The following C8orf89 variants were observed in gnomAD, a reference collection of about 807,000 sequenced individuals.
The protein encoded by C8orf89 is chromosome 8 open reading frame 89.
A neutral mutation model predicts 15.8 loss-of-function variants in C8orf89; 14 were observed. The ratio of observed to expected loss-of-function variants is 0.89; its 90% CI spans 0.59 to 1.39. The LOEUF (loss-of-function observed/expected upper bound fraction) is 1.39. C8orf89 is among the 40% of genes most tolerant of loss of function. The pLI is 0.00. For synonymous variants in C8orf89, 55 were observed against 62.2 expected (o/e 0.88, Z 0.54); for missense variants, 181 against 184.5 (o/e 0.98, Z 0.11).
chr8:73,278,456 G>A, the C8orf89 span, among the ~76,000 whole-genome samples: 2 of 152,260 alleles, frequency 1.3e-5, no homozygotes, highest in Non-Finnish European at 2.9e-5. Context: ...CTGACGCCCG[G>A]GCGCTGAGGG....
chr8:73,275,664 T>C, the C8orf89 span, among the ~76,000 whole-genome samples: 5 of 152,246 alleles, frequency 3.3e-5, no homozygotes, highest in Non-Finnish European at 7.3e-5. Flanking sequence ...TTCTATGCTT[T>C]CCCCATTTTT....
the C8orf89 span, among the ~76,000 whole-genome samples, chr8:73,269,705 T>A: frequency 6.6e-6 from 1 of 152,164 alleles, no homozygotes; most frequent in African/African-American, 2.4e-5. Context: ...GTCTGCCTCC[T>A]CCAATAATAC....
At chr8:73,264,193 T>C (rs1258115600), upstream of C8orf89, among the ~76,000 whole-genome samples, 1 of 152,146 alleles carries the variant, frequency 6.6e-6, no homozygotes, top group Non-Finnish European at 1.5e-5. Context: ...AAAAACATGG[T>C]ACTAAATAGT....
In C8orf89 at chr8:73,241,461, C is replaced by A. The variant is rs759629542; in HGVS notation, c.482G>T (p.Arg161Leu). The change falls in exon 4 of 4, where the codon CGC becomes CTC. Residue 161 changes from arginine to leucine, a missense_variant. Coordinates refer to ENST00000624510, the MANE Select transcript of C8orf89 (RefSeq NM_001243237.3). Reference sequence around the variant, plus strand: ...CATCACACTGTACGACATTTTTCAGCGGTCTCGGAGGTCTCGTTTCTTGCT... The same window carrying A: ...CATCACACTGTACGACATTTTTCAGAGGTCTCGGAGGTCTCGTTTCTTGCT... ...KKSKKRDLRD[R>L] 17 of 1,520,432 alleles carry A rather than the reference C, an allele frequency of 1.1e-5. No individual in the cohort carries two copies. In the South Asian group the frequency reaches 2.1e-4, roughly 19 times the overall value. 94.2% of individuals were successfully genotyped at this position (1,520,432 alleles called of 1,614,324 possible).
intron 2 of C8orf89, among the ~76,000 whole-genome samples, chr8:73,255,820 G>C (rs1813365101): frequency 6.6e-6 from 1 of 151,622 alleles, no homozygotes; most frequent in South Asian, 2.1e-4. Context: ...GGACATGGAT[G>C]AAATTGGAAA....
At chr8:73,271,576 A>T in the C8orf89 span, among the ~76,000 whole-genome samples, 1 of 152,192 alleles carries the variant, frequency 6.6e-6, no homozygotes, top group African/African-American at 2.4e-5. Flanking sequence ...TACTTCTTGT[A>T]CAGCTTGCAG....
chr8:73,265,059 T>G, the C8orf89 span, among the ~76,000 whole-genome samples: 2 of 151,930 alleles, frequency 1.3e-5, no homozygotes, highest in African/African-American at 4.8e-5. Context: ...AAAATACACA[T>G]CAGATTGCAA....
chr8:73,247,525 C>G (rs1341462247), intron 3 of C8orf89, among the ~76,000 whole-genome samples: 1 of 152,144 alleles, frequency 6.6e-6, no homozygotes, highest in Non-Finnish European at 1.5e-5. Context: ...CACACTGTTT[C>G]CTACAATGAT....
intron 2 of C8orf89, among the ~76,000 whole-genome samples, chr8:73,253,411 C>T (rs1360864967): frequency 6.6e-6 from 1 of 152,052 alleles, no homozygotes; most frequent in East Asian, 1.9e-4. Flanking sequence ...ATTGACTTGG[C>T]GATGCGGGCT....
rs542818878 is a variant in C8orf89, at chr8:73,241,428, G to A, written c.*29C>T. 14 of 1,414,170 alleles carry A rather than the reference G, an allele frequency of 9.9e-6. No homozygotes were observed. Among genetic ancestry groups the A allele is most frequent in the African/African-American group, 1.4e-5 (1 of 69,754 alleles). 87.6% of individuals were successfully genotyped at this position (1,414,170 alleles called of 1,614,324 possible). On this transcript the variant is annotated 3_prime_UTR_variant, in exon 4 of 4. Transcript: ENST00000624510. ...GAAAATATAAAGCTTAAAAGTCACTGAAGAAAGCATCACACTGTACGACAT... is the reference window on the plus strand; with the variant it reads ...GAAAATATAAAGCTTAAAAGTCACTAAAGAAAGCATCACACTGTACGACAT...
the C8orf89 span, among the ~76,000 whole-genome samples, chr8:73,268,427 C>T: frequency 6.6e-6 from 1 of 151,406 alleles, no homozygotes; most frequent in African/African-American, 2.4e-5. Context: ...TGCAGTGAGC[C>T]GAGATCGCGC....
At chr8:73,283,580 A>C in the C8orf89 span, among the ~76,000 whole-genome samples, 2 of 152,246 alleles carry the variant, frequency 1.3e-5, no homozygotes, top group African/African-American at 2.4e-5. Flanking sequence ...TCTTCTTTTA[A>C]AGAATAATAA....
intron 3 of C8orf89, among the ~76,000 whole-genome samples, chr8:73,244,425 T>C (rs990119623): frequency 1.3e-5 from 2 of 152,228 alleles, no homozygotes; most frequent in South Asian, 4.1e-4. Flanking sequence ...TTCCAATCAC[T>C]ACGTATTACC....
At chr8:73,277,851 C>T in the C8orf89 span, 1 of 703,786 alleles carries the variant, frequency 1.4e-6, no homozygotes, top group Non-Finnish European at 2.7e-6. Context: ...AGCTGCTTTG[C>T]TTTCAAAGTC....
At chr8:73,257,260 TC>T in intron 1 of C8orf89, 134 bp from the exon 2 acceptor site, 1 of 592,746 alleles carries the variant, frequency 1.7e-6, no homozygotes. Flanking sequence ...TTAGCATCTT[TC>T]CCAAGAGAAT....
At chr8:73,245,795 G>A (rs1343178164) in intron 3 of C8orf89, among the ~76,000 whole-genome samples, 1 of 152,114 alleles carries the variant, frequency 6.6e-6, no homozygotes, top group Non-Finnish European at 1.5e-5. Flanking sequence ...AATACCTTAA[G>A]AGCCCTAAAT....
chr8:73,269,503 A>C, the C8orf89 span, among the ~76,000 whole-genome samples: 3 of 152,370 alleles, frequency 2.0e-5, no homozygotes, highest in South Asian at 6.2e-4. Flanking sequence ...TCTGATCTGC[A>C]CTGGGTGAGA....
At chr8:73,250,840 C>T (rs541098799) in intron 2 of C8orf89, among the ~76,000 whole-genome samples, 24 of 152,224 alleles carry the variant, frequency 1.6e-4, no homozygotes, top group African/African-American at 5.8e-4. Context: ...GTCTCACTCG[C>T]TCCCAGGCTG....
the C8orf89 span, among the ~76,000 whole-genome samples, chr8:73,285,708 C>A: frequency 6.6e-6 from 1 of 152,190 alleles, no homozygotes; most frequent in African/African-American, 2.4e-5. Flanking sequence ...GCTGGGGCAG[C>A]GGGCACAGCG....
Sources: gnomAD v4.1 joint callset for allele counts (sites outside exome capture counted in the v4.1 genomes callset) on GRCh38, gnomAD v4.1.1 for gene constraint, MANE v1.5 for transcripts, NCBI Gene and HGNC (gene_info 2026-07-23, HGNC 2026-07-21) for gene names.